Variants in DENND1A observed in about 807,000 individuals in gnomAD.
DENND1A encodes DENN domain containing 1A.
Under a neutral mutation model 113.7 loss-of-function variants are expected in DENND1A, and 51 were observed. The observed-to-expected ratio is 0.45, with a 90% CI of 0.36 to 0.57. The LOEUF (loss-of-function observed/expected upper bound fraction) is 0.57. Among genes scored for constraint, DENND1A ranks in the 20% least tolerant of loss-of-function variants. The probability of loss-of-function intolerance (pLI) is 0.00; values close to 1 mark genes in which losing one functional copy is unlikely to be tolerated. For missense variants in DENND1A, 1,258 were observed against 1,395.9 expected (o/e 0.90, Z 1.57); for synonymous variants, 565 against 570.8 (o/e 0.99, Z 0.14).
Position 123,609,463 on chromosome 9 carries a change from G to A in DENND1A, c.738C>T (p.Leu246=). 1 of 1,613,748 alleles carries A rather than the reference G, an allele frequency of 6.2e-7. No homozygotes were observed. Among genetic ancestry groups the A allele is most frequent in the Non-Finnish European group, 8.5e-7 (1 of 1,179,840 alleles). The part of the protein sequence containing the change: ...LDYCCAPMPY[L]IGIHLSLMEK... ...CCATTAAACTTAAATGGATTCCTATGAGGTAGGGCATGGGAGCACTGTGAA... is the reference window on the plus strand; with the variant it reads ...CCATTAAACTTAAATGGATTCCTATAAGGTAGGGCATGGGAGCACTGTGAA... The change falls in exon 11 of 24, where the codon CTC becomes CTT. Residue 246 remains leucine (L), a synonymous_variant. Coordinates refer to ENST00000394215, the MANE Select transcript of DENND1A (RefSeq NM_001352964.2).
At chr9:123,909,449 G>T (rs985657245) in intron 1 of DENND1A, among the ~76,000 whole-genome samples, 1 of 149,410 alleles carries the variant, frequency 6.7e-6, no homozygotes, top group Non-Finnish European at 1.5e-5. Flanking sequence ...AATTATAATC[G>T]TCTCAAGAGA....
chr9:123,602,017 T>C (rs991433570), intron 11 of DENND1A, among the ~76,000 whole-genome samples: 1 of 152,178 alleles, frequency 6.6e-6, no homozygotes, highest in African/African-American at 2.4e-5. Context: ...CATGGCCTGA[T>C]GGGAGGGTAC....
intron 13 of DENND1A, among the ~76,000 whole-genome samples, chr9:123,511,142 T>A (rs888017609): frequency 6.6e-6 from 1 of 152,194 alleles, no homozygotes; most frequent in Non-Finnish European, 1.5e-5. Flanking sequence ...CTAGGAAGAC[T>A]TCCCAGAGTC....
intron 13 of DENND1A, among the ~76,000 whole-genome samples, chr9:123,481,361 A>T (rs1391189753): frequency 6.6e-6 from 1 of 152,254 alleles, no homozygotes; most frequent in East Asian, 1.9e-4. Flanking sequence ...CAACACGTGG[A>T]AACAAGGAAG....
chr9:123,387,252 T>A (rs1049085720), intron 22 of DENND1A, among the ~76,000 whole-genome samples: 3 of 152,200 alleles, frequency 2.0e-5, no homozygotes, highest in Non-Finnish European at 2.9e-5. Context: ...TAATAATGAT[T>A]AAATTATCTT....
intron 5 of DENND1A, among the ~76,000 whole-genome samples, chr9:123,740,502 G>C (rs2068918044): frequency 6.6e-6 from 1 of 152,120 alleles, no homozygotes. Context: ...GAGATCTGTA[G>C]AGGTAGCAAA....
chr9:123,715,632 A>T (rs2066921685), intron 5 of DENND1A, among the ~76,000 whole-genome samples: 1 of 152,184 alleles, frequency 6.6e-6, no homozygotes, highest in African/African-American at 2.4e-5. Context: ...CTATATGTCT[A>T]GAGCTCAGAG....
At chr9:123,732,226 C>T (rs1178626799) in intron 5 of DENND1A, among the ~76,000 whole-genome samples, 2 of 152,172 alleles carry the variant, frequency 1.3e-5, no homozygotes, top group African/African-American at 4.8e-5. Context: ...TGTGTTCACA[C>T]CAAAATCTGT....
chr9:123,646,547 C>G (rs529247474), intron 9 of DENND1A, among the ~76,000 whole-genome samples: 1 of 152,012 alleles, frequency 6.6e-6, no homozygotes, highest in South Asian at 2.1e-4. Context: ...TGAAGGAAAC[C>G]ACAGTGTCGC....
At chr9:123,392,457 G>T (rs1187487125) in intron 21 of DENND1A, among the ~76,000 whole-genome samples, 3 of 152,134 alleles carry the variant, frequency 2.0e-5, no homozygotes, top group African/African-American at 7.2e-5. Context: ...AAGGATCCTC[G>T]CTTTGTAAAT....
At chr9:123,624,045 T>C (rs1432428584) in intron 10 of DENND1A, among the ~76,000 whole-genome samples, 2 of 152,236 alleles carry the variant, frequency 1.3e-5, no homozygotes, top group Non-Finnish European at 2.9e-5. Context: ...CTATTATGCA[T>C]AGAAAGGGCA....
chr9:123,486,505 G>C lies in DENND1A; in HGVS notation c.994-28608C>G, dbSNP rs376636017. 4.0e-5 allele frequency among the ~76,000 whole-genome samples: 6 copies of C among 151,896 alleles called. No individual in the cohort carries two copies. In the East Asian group the frequency reaches 1.2e-3, roughly 30 times the overall value. On this transcript the variant is annotated intron_variant, in intron 13 of 23. Coordinates refer to ENST00000394215, the MANE Select transcript of DENND1A (RefSeq NM_001352964.2). Reference sequence around the variant, plus strand: ...TGGGAGGCCAGGAAGGAAGCAGCTGGCTCCTGCATCCCCCATGAGTCCCAC... The same window carrying C: ...TGGGAGGCCAGGAAGGAAGCAGCTGCCTCCTGCATCCCCCATGAGTCCCAC...
chr9:123,380,529 A>T lies in DENND1A; in HGVS notation c.*903T>A, dbSNP rs2042223365. The T allele has an allele frequency of 6.6e-6, 1 of 152,430 alleles. No individual in the cohort carries two copies. Among genetic ancestry groups the T allele is most frequent in the South Asian group, 2.1e-4 (1 of 4,836 alleles). 9.4% of individuals were successfully genotyped at this position (152,430 alleles called of 1,614,324 possible). ...GCTGCCTTCCACATCAGTCTGAGGCATTCAGCTTGACCTTTTTGGGTTGAA... is the reference window on the plus strand; with the variant it reads ...GCTGCCTTCCACATCAGTCTGAGGCTTTCAGCTTGACCTTTTTGGGTTGAA... On this transcript the variant is annotated 3_prime_UTR_variant, in exon 24 of 24. Coordinates refer to ENST00000394215, the MANE Select transcript of DENND1A (RefSeq NM_001352964.2).
chr9:123,467,585 G>A (rs1205495578), intron 13 of DENND1A, among the ~76,000 whole-genome samples: 1 of 152,150 alleles, frequency 6.6e-6, no homozygotes, highest in Admixed American at 6.5e-5. Flanking sequence ...AAATCAGAAG[G>A]CAGAGGTTGC....
chr9:123,848,966 G>A (rs1444762841), intron 2 of DENND1A, among the ~76,000 whole-genome samples: 1 of 152,162 alleles, frequency 6.6e-6, no homozygotes, highest in Admixed American at 6.5e-5. Context: ...TTTGAAACTA[G>A]CAGAGGTTGG....
intron 11 of DENND1A, among the ~76,000 whole-genome samples, chr9:123,596,360 C>G (rs2059692160): frequency 6.6e-6 from 1 of 152,238 alleles, no homozygotes; most frequent in Non-Finnish European, 1.5e-5. Context: ...ATGTTTACCA[C>G]TGGTACCTGT....
At chr9:123,793,379 A>G (rs1212693216) in intron 2 of DENND1A, among the ~76,000 whole-genome samples, 2 of 152,204 alleles carry the variant, frequency 1.3e-5, no homozygotes, top group Non-Finnish European at 2.9e-5. Context: ...TCTGTAAGTC[A>G]ATACAGAAGT....
chr9:123,475,261 C>T (rs970278930), intron 13 of DENND1A, among the ~76,000 whole-genome samples: 11 of 152,278 alleles, frequency 7.2e-5, no homozygotes, highest in Middle Eastern at 3.4e-3. Context: ...TCAAGTGATC[C>T]GCCCACCTCG....
intron 5 of DENND1A, among the ~76,000 whole-genome samples, chr9:123,733,143 G>A (rs974043598): frequency 2.4e-4 from 36 of 151,964 alleles, no homozygotes; most frequent in Admixed American, 1.4e-3. Flanking sequence ...CACCACACTC[G>A]GCTAATTTTG....
Sources: gnomAD v4.1 joint callset for allele counts (sites outside exome capture counted in the v4.1 genomes callset) on GRCh38, gnomAD v4.1.1 for gene constraint, MANE v1.5 for transcripts, NCBI Gene and HGNC (gene_info 2026-07-23, HGNC 2026-07-21) for gene names.